The following INPP4B variants were observed in gnomAD, a reference collection of about 807,000 sequenced individuals.
The protein encoded by INPP4B is inositol polyphosphate 4-phosphatase type II.
A neutral mutation model predicts 122.5 loss-of-function variants in INPP4B; 55 were observed. The observed-to-expected ratio is 0.45, with a 90% confidence interval of 0.36 to 0.56. The LOEUF (loss-of-function observed/expected upper bound fraction) is 0.56. Ranked by LOEUF, INPP4B falls within the 20% of genes least tolerant of loss-of-function variation. The probability of loss-of-function intolerance (pLI) is 0.00; values close to 1 mark genes in which losing one functional copy is unlikely to be tolerated. For missense variants in INPP4B, 1,000 were observed against 1,097.7 expected (o/e 0.91, Z 1.26); for synonymous variants, 403 against 388.7 (o/e 1.04, Z -0.43).
chr4:142,152,853 A>T (rs1222736448), intron 17 of INPP4B, among the ~76,000 whole-genome samples: 1 of 152,226 alleles, frequency 6.6e-6, no homozygotes, highest in Non-Finnish European at 1.5e-5. Context: ...ATCTTACTTA[A>T]ATGAGATGAT....
intron 2 of INPP4B, among the ~76,000 whole-genome samples, chr4:142,491,544 C>A (rs1417973435): frequency 1.3e-5 from 2 of 152,138 alleles, no homozygotes; most frequent in Non-Finnish European, 2.9e-5. Flanking sequence ...GCAATCCCAG[C>A]TACTTGGGAG....
chr4:142,644,545 T>G (rs1344471883), intron 2 of INPP4B, among the ~76,000 whole-genome samples: 2 of 151,926 alleles, frequency 1.3e-5, no homozygotes, highest in African/African-American at 4.8e-5. Flanking sequence ...TTTAGTTAAC[T>G]TCAGTGACAG....
At position 142,045,419 on chromosome 4, in the gene INPP4B, G is replaced by A. The variant is rs560984580; in HGVS notation, c.2643-16505C>T. On this transcript the variant is annotated intron_variant, in intron 25 of 25. Coordinates refer to ENST00000262992, the MANE Select transcript of INPP4B (RefSeq NM_001101669.3). ...ATTTTGTATCCAACATACTATTTCT[G>A]ATTATGGTCATTGGGAAAGCCTTAC... 3.3e-5 allele frequency among the ~76,000 whole-genome samples: 5 copies of A among 152,126 alleles called. No individual in the cohort carries two copies. In the South Asian group the frequency reaches 1.0e-3, roughly 32 times the overall value.
chr4:142,340,126 T>G (rs1487714715), intron 7 of INPP4B, among the ~76,000 whole-genome samples: 1 of 152,184 alleles, frequency 6.6e-6, no homozygotes, highest in Non-Finnish European at 1.5e-5. Flanking sequence ...GGAGAGCAAT[T>G]ACTAACTGAA....
chr4:142,453,663 A>G (rs1814784802), intron 3 of INPP4B, among the ~76,000 whole-genome samples: 1 of 152,290 alleles, frequency 6.6e-6, no homozygotes, highest in African/African-American at 2.4e-5. Flanking sequence ...CCTATTGTCT[A>G]CTGCATACAC....
chr4:142,277,092 AT>A (rs996147619), intron 9 of INPP4B, among the ~76,000 whole-genome samples: 12 of 150,448 alleles, frequency 8.0e-5, no homozygotes, highest in Non-Finnish European at 1.2e-4. Flanking sequence ...GATGCTGAGC[AT>A]TTTTTTATAT....
chr4:142,797,916 A>G (rs1777482485), intron 1 of INPP4B, among the ~76,000 whole-genome samples: 1 of 151,980 alleles, frequency 6.6e-6, no homozygotes, highest in Non-Finnish European at 1.5e-5. Context: ...ATGGAAATCA[A>G]GAAAGGGAAA....
intron 14 of INPP4B, among the ~76,000 whole-genome samples, chr4:142,195,383 A>G (rs1275283465): frequency 6.6e-6 from 1 of 152,170 alleles, no homozygotes; most frequent in Non-Finnish European, 1.5e-5. Flanking sequence ...AGTTAATAAC[A>G]CTGTATTATT....
intron 22 of INPP4B, among the ~76,000 whole-genome samples, chr4:142,109,074 T>C (rs2152690373): frequency 6.6e-6 from 1 of 152,286 alleles, no homozygotes; most frequent in Middle Eastern, 3.4e-3. Flanking sequence ...GGCATCATTT[T>C]GGATTTCCTC....
In INPP4B at chr4:142,803,183, AAAAG is replaced by A. The variant is rs1255828470; in HGVS notation, c.-254+43022_-254+43025del. Among the ~76,000 whole-genome samples the A allele has an allele frequency of 4.3e-4, 64 of 147,174 alleles. 1 individual carries two copies. Among genetic ancestry groups the A allele is most frequent in the East Asian group, 9.9e-4 (5 of 5,064 alleles). The stretch of plus-strand genomic sequence containing the variant: ...TGAGACTACGTCTCAAAAAAAAAAA[AAAAG>A]AAAGAAAGAAAGAAAGAAATGAAAC... On this transcript the variant is annotated intron_variant, in intron 1 of 25. Transcript: ENST00000262992.
intron 23 of INPP4B, among the ~76,000 whole-genome samples, chr4:142,087,340 A>G (rs934471760): frequency 2.0e-5 from 3 of 152,234 alleles, no homozygotes; most frequent in African/African-American, 7.2e-5. Flanking sequence ...GGTTGCTCAG[A>G]TTTCTGCATA....
At chr4:142,398,195 G>A (rs1027134946) in intron 7 of INPP4B, among the ~76,000 whole-genome samples, 43 of 150,908 alleles carry the variant, frequency 2.8e-4, no homozygotes, top group Non-Finnish European at 5.6e-4. Context: ...CTAACACGGT[G>A]AAACCCCGTC....
chr4:142,644,066 T>C (rs948401582), intron 2 of INPP4B, among the ~76,000 whole-genome samples: 69 of 152,132 alleles, frequency 4.5e-4, no homozygotes, highest in African/African-American at 1.4e-3. Flanking sequence ...CCAGGTGTGG[T>C]GGCAGGTGCC....
chr4:142,338,820 C>T (rs1375190448), intron 7 of INPP4B, among the ~76,000 whole-genome samples: 1 of 152,154 alleles, frequency 6.6e-6, no homozygotes, highest in East Asian at 1.9e-4. Flanking sequence ...CTTCAGATCC[C>T]ACACTCCACC....
At chr4:142,432,446 G>C (rs1438259410) in intron 3 of INPP4B, among the ~76,000 whole-genome samples, 1 of 152,032 alleles carries the variant, frequency 6.6e-6, no homozygotes, top group African/African-American at 2.4e-5. Flanking sequence ...TAAAATTATA[G>C]ATAAATACAT....
intron 2 of INPP4B, among the ~76,000 whole-genome samples, chr4:142,534,796 TAATTTCCTTGCTCTTA>T (rs2150000483): frequency 6.6e-6 from 1 of 151,952 alleles, no homozygotes; most frequent in South Asian, 2.1e-4. Flanking sequence ...CAAAATTCTT[TAATTTCCTTGCTCTTA>T]AATTTCCTTT....
intron 1 of INPP4B, among the ~76,000 whole-genome samples, chr4:142,772,689 C>T (rs1482616437): frequency 6.6e-6 from 1 of 152,098 alleles, no homozygotes; most frequent in East Asian, 1.9e-4. Flanking sequence ...ATAAAAGTGG[C>T]TGTCCAAAGG....
chr4:142,261,210 G>A (rs1227542417), intron 10 of INPP4B, among the ~76,000 whole-genome samples: 1 of 152,076 alleles, frequency 6.6e-6, no homozygotes, highest in African/African-American at 2.4e-5. Flanking sequence ...AACCACAATG[G>A]GAGAGAATGT....
chr4:142,397,782 T>A (rs1799831273), intron 7 of INPP4B, among the ~76,000 whole-genome samples: 2 of 151,760 alleles, frequency 1.3e-5, no homozygotes, highest in Admixed American at 6.6e-5. Flanking sequence ...GAGGTTGCAG[T>A]AAGCCAACAT....
Sources: allele counts gnomAD v4.1 joint callset (sites outside exome capture counted in the v4.1 genomes callset), GRCh38; gene constraint gnomAD v4.1.1; transcripts MANE v1.5; gene names NCBI Gene and HGNC (gene_info 2026-07-23, HGNC 2026-07-21).